The following ITGA4 variants were observed in gnomAD, a reference collection of about 807,000 sequenced individuals.
ITGA4 encodes the protein integrin alpha-4.
A neutral mutation model predicts 133.6 loss-of-function variants in ITGA4; 63 were observed. The observed-to-expected ratio is 0.47, with a 90% CI of 0.38 to 0.58. The LOEUF (loss-of-function observed/expected upper bound fraction) is 0.58, where lower values mean the gene tolerates loss of function less well. ITGA4 is among the 20% of genes least tolerant of loss of function. ITGA4 has a pLI of 0.00. For synonymous variants in ITGA4, 483 were observed against 438.0 expected, an observed-to-expected ratio of 1.10 and a Z score of -1.28; for missense variants, 1,076 against 1,252.7, an observed-to-expected ratio of 0.86 and a Z score of 2.13.
intron 9 of ITGA4, among the ~76,000 whole-genome samples, chr2:181,484,028 C>T (rs1035342232): frequency 6.6e-6 from 1 of 152,102 alleles, no homozygotes; most frequent in African/African-American, 2.4e-5. Context: ...CTTTTAAATC[C>T]TCTGATGTAG....
chr2:181,482,938 T>TTGA (rs1367076897), intron 9 of ITGA4, among the ~76,000 whole-genome samples: 1 of 152,172 alleles, frequency 6.6e-6, no homozygotes, highest in Non-Finnish European at 1.5e-5. Flanking sequence ...CAGTTTTATG[T>TTGA]TGATACTAAT....
At chr2:181,486,352 G>A (rs1685918198) in intron 10 of ITGA4, 1 of 192,986 alleles carries the variant, frequency 5.2e-6, no homozygotes, top group South Asian at 9.9e-5. Flanking sequence ...ATATGGGCAG[G>A]AAATGTGTTA....
intron 22 of ITGA4, among the ~76,000 whole-genome samples, chr2:181,528,939 C>G (rs1193843511): frequency 6.6e-6 from 1 of 152,180 alleles, no homozygotes; most frequent in East Asian, 1.9e-4. Context: ...TGTGCTTTCT[C>G]AAAACCCAAC....
chr2:181,527,008 G>A (rs185222057), intron 21 of ITGA4, among the ~76,000 whole-genome samples: 160 of 150,524 alleles, frequency 1.1e-3, no homozygotes, highest in African/African-American at 3.0e-3. Flanking sequence ...ATTTTTTTTT[G>A]TATTTTTAGT....
rs747109948 is a variant in ITGA4, at chr2:181,535,456, A to T, written c.3028A>T (p.Lys1010Ter). 6.2e-7 allele frequency: 1 copy of T among 1,609,552 alleles called. No homozygotes were observed. The highest frequency in any genetic ancestry group is 1.1e-5 in the South Asian group (1 of 90,464). ...WKAGFFKRQY[K>*]SILQEENRRD... Reference sequence around the variant, plus strand: ...GGCTGGCTTCTTTAAAAGACAATACAAATCTATCCTACAAGAAGAAAACAG... The same window carrying T: ...GGCTGGCTTCTTTAAAAGACAATACTAATCTATCCTACAAGAAGAAAACAG... The change falls in exon 28 of 28, where the codon AAA becomes TAA. Residue 1010 changes from lysine to a stop codon, truncating the protein, a stop_gained. Coordinates refer to ENST00000397033, the MANE Select transcript of ITGA4 (RefSeq NM_000885.6). LOFTEE classifies it high-confidence loss of function.
intron 2 of ITGA4, among the ~76,000 whole-genome samples, chr2:181,471,407 T>G (rs903653215): frequency 6.6e-6 from 1 of 152,204 alleles, no homozygotes; most frequent in Non-Finnish European, 1.5e-5. Context: ...AATAAATAAA[T>G]GTAGTTAACC....
intron 10 of ITGA4, among the ~76,000 whole-genome samples, chr2:181,487,436 G>A (rs79680610): frequency 2.0e-4 from 30 of 152,120 alleles, no homozygotes; most frequent in African/African-American, 3.1e-4. Context: ...GCCGTCACTC[G>A]TCACATTGAG....
At chr2:181,510,139 T>TC (rs1342385957) in intron 16 of ITGA4, among the ~76,000 whole-genome samples, 1 of 152,134 alleles carries the variant, frequency 6.6e-6, no homozygotes, top group African/African-American at 2.4e-5. Flanking sequence ...TTATTCAGTG[T>TC]CATCATGTGT....
Position 181,458,192 on chromosome 2 carries a change from T to C in ITGA4, c.198-4T>C, listed in dbSNP as rs1685178571. On this transcript the variant is annotated splice_polypyrimidine_tract_variant and splice_region_variant and intron_variant, in intron 1 of 27. Coordinates refer to ENST00000397033, the MANE Select transcript of ITGA4 (RefSeq NM_000885.6). Reference sequence around the variant, plus strand: ...TGAGCGCACGTGCACGTGTCTCGCTTTAGGCTCCTAGTGGGTGCGCCCACT... The same window carrying C: ...TGAGCGCACGTGCACGTGTCTCGCTCTAGGCTCCTAGTGGGTGCGCCCACT... 6.2e-7 allele frequency: 1 copy of C among 1,613,922 alleles called. No individual in the cohort carries two copies. The highest frequency in any genetic ancestry group is 8.5e-7 in the Non-Finnish European group (1 of 1,179,978).
chr2:181,472,422 A>G (rs1355146564), intron 2 of ITGA4, among the ~76,000 whole-genome samples: 2 of 152,296 alleles, frequency 1.3e-5, no homozygotes, highest in African/African-American at 4.8e-5. Flanking sequence ...GAAAGTGTCT[A>G]TTATACACGC....
chr2:181,509,008 G>A (rs1686448509), intron 15 of ITGA4, among the ~76,000 whole-genome samples: 2 of 151,608 alleles, frequency 1.3e-5, no homozygotes, highest in Admixed American at 1.3e-4. Context: ...TGGGCATGGT[G>A]GTACACATCT....
At chr2:181,478,554 G>A (rs190738182) in intron 4 of ITGA4, among the ~76,000 whole-genome samples, 34 of 152,034 alleles carry the variant, frequency 2.2e-4, no homozygotes, top group South Asian at 6.2e-4. Context: ...AAGAAGCAGA[G>A]GGAGATATTT....
In ITGA4 at chr2:181,498,283, A is replaced by G. The variant is rs116132913; in HGVS notation, c.1541-340A>G. The G allele has an allele frequency of 3.0e-3, 477 of 158,876 alleles. 2 individuals carry two copies. Among genetic ancestry groups the G allele is most frequent in the African/African-American group, 0.011 (469 of 41,696 alleles). 9.8% of individuals were successfully genotyped at this position (158,876 alleles called of 1,614,324 possible). A position where few individuals can be genotyped will look rare whatever the true frequency, so the allele number is the denominator to read the frequency against. On this transcript the variant is annotated intron_variant, in intron 14 of 27. Transcript: ENST00000397033. ...CTATACTTCCTTAGTCAATGTTCTG[A>G]GAAAAAAAGGAATATGAAACATGCA... is the stretch of plus-strand genomic sequence containing the variant.
At chr2:181,485,764 T>TTTGTCC (rs1685900618) in intron 9 of ITGA4, 117 bp from the exon 10 acceptor site, 1 of 770,068 alleles carries the variant, frequency 1.3e-6, no homozygotes, top group African/African-American at 1.8e-5. Context: ...GCTCAGTCTG[T>TTTGTCC]AGTTTGTCCA....
chr2:181,474,056 T>C (rs1321175257), intron 2 of ITGA4, among the ~76,000 whole-genome samples: 1 of 152,222 alleles, frequency 6.6e-6, no homozygotes, highest in African/African-American at 2.4e-5. Flanking sequence ...AATAGAATTG[T>C]CATATGCCAA....
In ITGA4 at chr2:181,538,228, T is replaced by TAA. The variant is rs2105784377; in HGVS notation, c.*2702_*2703dup. 6.3e-7 allele frequency: 1 copy of TAA among 1,590,768 alleles called. No individual in the cohort carries two copies. The highest frequency in any genetic ancestry group is 8.6e-7 in the Non-Finnish European group (1 of 1,159,742). ...TCCATGCTTCCTCCATAAAGACTGATAAGTCTTGGATGCAATCTGTAAAGA... is the reference window on the plus strand; with the variant it reads ...TCCATGCTTCCTCCATAAAGACTGATAAAAGTCTTGGATGCAATCTGTAAAGA... On this transcript the variant is annotated 3_prime_UTR_variant, in exon 28 of 28. Coordinates refer to ENST00000397033, the MANE Select transcript of ITGA4 (RefSeq NM_000885.6).
rs886055317 is a variant in ITGA4, at chr2:181,538,092, C to G, written c.*2565C>G. 3.5e-6 allele frequency: 3 copies of G among 869,536 alleles called. No individual in the cohort carries two copies. The East Asian group carries it at 7.6e-5, about 22-fold the overall frequency. The allele number at this position is 869,536 out of a possible 1,614,324, so 53.9% of individuals were successfully genotyped here. A position where few individuals can be genotyped will look rare whatever the true frequency, so the allele number is the denominator to read the frequency against. ...AAATTGTCTTCCATGAAACTGGTCC[C>G]AAAAAGGGTGGGGACCACAGGTTTA... is the stretch of plus-strand genomic sequence containing the variant. On this transcript the variant is annotated 3_prime_UTR_variant, in exon 28 of 28. Coordinates refer to ENST00000397033, the MANE Select transcript of ITGA4 (RefSeq NM_000885.6).
intron 2 of ITGA4, among the ~76,000 whole-genome samples, chr2:181,461,847 A>ATG (rs1391627649): frequency 2.0e-5 from 3 of 152,182 alleles, no homozygotes; most frequent in Non-Finnish European, 4.4e-5. Flanking sequence ...AACACATAAA[A>ATG]TGTGGCTAGT....
intron 10 of ITGA4, among the ~76,000 whole-genome samples, chr2:181,488,092 T>G (rs1685961881): frequency 6.6e-6 from 1 of 152,250 alleles, no homozygotes; most frequent in African/African-American, 2.4e-5. Context: ...GAGAAATTAT[T>G]TTTGTGGCAT....
Sources: gnomAD v4.1 joint callset for allele counts (sites outside exome capture counted in the v4.1 genomes callset) on GRCh38, gnomAD v4.1.1 for gene constraint, MANE v1.5 for transcripts, NCBI Gene and HGNC (gene_info 2026-07-23, HGNC 2026-07-21) for gene names.